Variants in ADGRB3 observed in about 807,000 individuals in gnomAD.
ADGRB3 encodes the protein adhesion G protein-coupled receptor B3.
ADGRB3 carries 37 observed loss-of-function variants against 193.4 expected under a neutral mutation model. The observed-to-expected ratio is 0.19, with a 90% CI of 0.15 to 0.25. The LOEUF (loss-of-function observed/expected upper bound fraction) is 0.25. Among genes scored for constraint, ADGRB3 ranks in the 10% least tolerant of loss-of-function variants. The pLI is 1.00. For synonymous variants in ADGRB3, 690 were observed against 644.2 expected, an observed-to-expected ratio of 1.07 and a Z score of -1.08; for missense variants, 1,637 against 1,852.9, an observed-to-expected ratio of 0.88 and a Z score of 2.14.
At chr6:68,675,781 C>T (rs1025683216) in intron 3 of ADGRB3, among the ~76,000 whole-genome samples, 1 of 152,156 alleles carries the variant, frequency 6.6e-6, no homozygotes, top group South Asian at 2.1e-4. Context: ...GACTAAGCAG[C>T]ATACTCTGCT....
intron 10 of ADGRB3, among the ~76,000 whole-genome samples, chr6:68,984,317 T>A (rs910526047): frequency 6.6e-6 from 1 of 152,106 alleles, no homozygotes. Context: ...TTTGGCTGGT[T>A]ATAATGTCAT....
intron 20 of ADGRB3, among the ~76,000 whole-genome samples, chr6:69,284,553 G>A (rs1767508479): frequency 6.6e-6 from 1 of 152,172 alleles, no homozygotes. Flanking sequence ...TGGGCAAGGA[G>A]CCCTGGTTAC....
At position 68,721,260 on chromosome 6, in the gene ADGRB3, A is replaced by G. The variant is rs567230497; in HGVS notation, c.757+81828A>G. ...AACAATGATAGACTGGATTAAGAAA[A>G]TGTGGCACATATACACCATGGAATA... On this transcript the variant is annotated intron_variant, in intron 3 of 31. Transcript: ENST00000370598. Among the ~76,000 whole-genome samples, 292 of 152,030 alleles carry G rather than the reference A, an allele frequency of 1.9e-3. 2 individuals carry two copies. The highest frequency in any genetic ancestry group is 6.7e-3 in the African/African-American group (280 of 41,490).
At chr6:68,755,969 A>G (rs1766291544) in intron 3 of ADGRB3, among the ~76,000 whole-genome samples, 1 of 152,188 alleles carries the variant, frequency 6.6e-6, no homozygotes, top group Admixed American at 6.6e-5. Flanking sequence ...TTTAAGGAAG[A>G]TAATTCTTAG....
intron 8 of ADGRB3, 91 bp from the exon 9 acceptor site, chr6:68,974,672 T>C (rs1768689802): frequency 2.2e-6 from 2 of 928,700 alleles, no homozygotes; most frequent in Non-Finnish European, 3.4e-6. Context: ...ACTAAAGAGC[T>C]CTGCAGTTAG....
At chr6:69,179,767 TG>T (rs1775531565) in intron 17 of ADGRB3, among the ~76,000 whole-genome samples, 1 of 152,228 alleles carries the variant, frequency 6.6e-6, no homozygotes, top group Non-Finnish European at 1.5e-5. Flanking sequence ...TATGTACTTC[TG>T]TCAGCAGGTT....
At chr6:68,963,037 G>A (rs897824054) in intron 8 of ADGRB3, among the ~76,000 whole-genome samples, 1 of 152,122 alleles carries the variant, frequency 6.6e-6, no homozygotes, top group African/African-American at 2.4e-5. Flanking sequence ...CAGATCCTCT[G>A]TGTCATCTGG....
intron 10 of ADGRB3, among the ~76,000 whole-genome samples, chr6:68,987,850 GTTA>G (rs1769124758): frequency 6.6e-6 from 1 of 152,064 alleles, no homozygotes; most frequent in Non-Finnish European, 1.5e-5. Flanking sequence ...AATGATTGTT[GTTA>G]TTATTTTCTA....
intron 3 of ADGRB3, among the ~76,000 whole-genome samples, chr6:68,676,785 T>A (rs956513545): frequency 2.0e-5 from 3 of 152,192 alleles, no homozygotes; most frequent in African/African-American, 7.2e-5. Context: ...CTTATGTGCA[T>A]ATAACAGGAC....
chr6:69,262,997 T>G (rs1766963459), intron 20 of ADGRB3, among the ~76,000 whole-genome samples: 1 of 152,028 alleles, frequency 6.6e-6, no homozygotes, highest in African/African-American at 2.4e-5. Context: ...GGAACCATTT[T>G]AAATTTGCTT....
chr6:69,345,910 C>T (rs962519077), intron 26 of ADGRB3, among the ~76,000 whole-genome samples: 1 of 152,174 alleles, frequency 6.6e-6, no homozygotes, highest in African/African-American at 2.4e-5. Context: ...AGCAAAGTCT[C>T]TAGATACAAA....
intron 20 of ADGRB3, among the ~76,000 whole-genome samples, chr6:69,239,862 T>C (rs1766348259): frequency 6.6e-6 from 1 of 152,050 alleles, no homozygotes; most frequent in Non-Finnish European, 1.5e-5. Context: ...TGATTGTCTT[T>C]ACTATTCTGA....
chr6:68,667,596 ATAAC>A (rs1768834429), intron 3 of ADGRB3, among the ~76,000 whole-genome samples: 1 of 152,016 alleles, frequency 6.6e-6, no homozygotes, highest in Non-Finnish European at 1.5e-5. Flanking sequence ...ACAAAATTTC[ATAAC>A]TAACTTTCTT....
chr6:68,714,439 A>G (rs968162022), intron 3 of ADGRB3, among the ~76,000 whole-genome samples: 3 of 151,802 alleles, frequency 2.0e-5, no homozygotes, highest in African/African-American at 7.2e-5. Flanking sequence ...AGCTAGGCTC[A>G]TCTATTTATT....
chr6:69,315,986 C>A (rs967689606), intron 20 of ADGRB3, among the ~76,000 whole-genome samples: 2 of 151,150 alleles, frequency 1.3e-5, no homozygotes, highest in Admixed American at 1.3e-4. Context: ...TTCTGTTTTT[C>A]ATTTTTTCTA....
intron 3 of ADGRB3, among the ~76,000 whole-genome samples, chr6:68,858,378 C>T (rs1298707473): frequency 6.6e-6 from 1 of 151,722 alleles, no homozygotes; most frequent in African/African-American, 2.4e-5. Flanking sequence ...GTGGTGTGTG[C>T]CTGTAATCCC....
chr6:68,965,799 G>A (rs533322480), intron 8 of ADGRB3, among the ~76,000 whole-genome samples: 10 of 152,256 alleles, frequency 6.6e-5, no homozygotes, highest in Non-Finnish European at 1.2e-4. Context: ...GGCATACAAA[G>A]AGAGAATCCT....
chr6:69,065,758 TATATATAC>T (rs1377426984), intron 16 of ADGRB3, among the ~76,000 whole-genome samples: 8 of 102,772 alleles, frequency 7.8e-5, no homozygotes, highest in Admixed American at 7.1e-4. Flanking sequence ...ACTTCATGTA[TATATATAC>T]ACACACACAC....
intron 17 of ADGRB3, among the ~76,000 whole-genome samples, chr6:69,110,269 T>G (rs1561921944): frequency 6.6e-6 from 1 of 152,126 alleles, no homozygotes; most frequent in East Asian, 1.9e-4. Flanking sequence ...ATTATATTTT[T>G]GAGGTTGTAG....
Sources: gnomAD v4.1 joint callset for allele counts (sites outside exome capture counted in the v4.1 genomes callset) on GRCh38, gnomAD v4.1.1 for gene constraint, MANE v1.5 for transcripts, NCBI Gene and HGNC (gene_info 2026-07-23, HGNC 2026-07-21) for gene names.